Variants in GSDMC observed in about 807,000 individuals in gnomAD.
GSDMC encodes the protein gasdermin C.
Under a neutral mutation model 58.0 loss-of-function variants are expected in GSDMC, and 59 were observed. That is an observed-to-expected ratio of 1.02 (90% CI 0.82 to 1.26). The LOEUF (loss-of-function observed/expected upper bound fraction) is 1.26, where lower values mean the gene tolerates loss of function less well. Ranked by LOEUF, GSDMC falls within the 50% of genes most tolerant of loss-of-function variation. The pLI is 0.00. For missense variants in GSDMC, 659 were observed against 598.5 expected (o/e 1.10, Z -1.06); for synonymous variants, 241 against 220.2 (o/e 1.09, Z -0.83).
At chr8:129,780,053 AG>A (rs1301589834) in intron 1 of GSDMC, among the ~76,000 whole-genome samples, 1 of 152,228 alleles carries the variant, frequency 6.6e-6, no homozygotes, top group Non-Finnish European at 1.5e-5. Flanking sequence ...TGATCTTGAA[AG>A]CAGGCTATTT....
the GSDMC span, among the ~76,000 whole-genome samples, chr8:129,727,001 C>T: frequency 1.7e-5 from 2 of 114,866 alleles, no homozygotes. Flanking sequence ...AATACACATA[C>T]ACACACACAC....
chr8:129,772,135 C>T (rs2034076711), intron 3 of GSDMC, among the ~76,000 whole-genome samples: 1 of 151,952 alleles, frequency 6.6e-6, no homozygotes, highest in African/African-American at 2.4e-5. Flanking sequence ...GTGGCAGGCG[C>T]CTGTAGTCCC....
Position 129,752,238 on chromosome 8 carries a change from A to G in GSDMC, c.845-91T>C, listed in dbSNP as rs192784577. On this transcript the variant is annotated intron_variant, in intron 7 of 13. Transcript: ENST00000276708. ...TTCTTTCCCTCTTGGTCTCACCTCTAACTCCTCTATCCTCCCCTTATTTCT... is the reference window on the plus strand; with the variant it reads ...TTCTTTCCCTCTTGGTCTCACCTCTGACTCCTCTATCCTCCCCTTATTTCT... 3.1e-6 allele frequency: 3 copies of G among 954,606 alleles called. No homozygotes were observed. In the African/African-American group the frequency reaches 4.8e-5, roughly 15 times the overall value. 59.1% of individuals were successfully genotyped at this position (954,606 alleles called of 1,614,324 possible). A position where few individuals can be genotyped will look rare whatever the true frequency, so the allele number is the denominator to read the frequency against.
intron 3 of GSDMC, among the ~76,000 whole-genome samples, chr8:129,774,128 C>T (rs950493157): frequency 3.9e-5 from 6 of 152,032 alleles, no homozygotes; most frequent in African/African-American, 1.4e-4. Context: ...AGCTAGACAC[C>T]CTATACTTCC....
the GSDMC span, chr8:129,730,040 G>T: frequency 8.2e-7 from 1 of 1,220,116 alleles, no homozygotes; most frequent in South Asian, 1.4e-5. Flanking sequence ...GAAGGAAAAG[G>T]AGTATTCCTT....
chr8:129,741,957 C>A, the GSDMC span, among the ~76,000 whole-genome samples: 1 of 112,674 alleles, frequency 8.9e-6, no homozygotes, highest in African/African-American at 4.6e-5. Flanking sequence ...AATATTCAGC[C>A]TTAAAAAAGA....
At chr8:129,738,668 A>G in the GSDMC span, among the ~76,000 whole-genome samples, 11 of 151,680 alleles carry the variant, frequency 7.3e-5, no homozygotes, top group South Asian at 4.2e-4. Flanking sequence ...GGTGGGGAGC[A>G]GGGGGAGGGA....
intron 2 of GSDMC, 141 bp downstream of exon 2, chr8:129,777,227 G>A (rs903893658): frequency 5.7e-5 from 34 of 598,392 alleles, no homozygotes; most frequent in African/African-American, 3.9e-4. Flanking sequence ...ATTTGTCTTC[G>A]TTTCTTGCCC....
intron 6 of GSDMC, among the ~76,000 whole-genome samples, chr8:129,757,118 T>G (rs2033470887): frequency 6.6e-6 from 1 of 151,742 alleles, no homozygotes; most frequent in Middle Eastern, 3.2e-3. Flanking sequence ...AACAAAAAGT[T>G]GGCTTTTTGA....
At chr8:129,752,885 T>G in intron 6 of GSDMC, 65 bp from the exon 7 acceptor site, 1 of 1,608,834 alleles carries the variant, frequency 6.2e-7, no homozygotes, top group Non-Finnish European at 8.5e-7. Flanking sequence ...TGCCTTGTCA[T>G]AGCAGAGAGC....
At chr8:129,750,298 C>A in intron 11 of GSDMC, 133 bp downstream of exon 11, 1 of 1,093,722 alleles carries the variant, frequency 9.1e-7, no homozygotes, top group Non-Finnish European at 1.3e-6. Flanking sequence ...TGCCCGGCAC[C>A]AGAGTCCCCA....
chr8:129,729,791 G>T, the GSDMC span: 1 of 616,840 alleles, frequency 1.6e-6, no homozygotes, highest in South Asian at 2.1e-5. Context: ...CATGAAATTT[G>T]AAGGAGGTGT....
intron 4 of GSDMC, among the ~76,000 whole-genome samples, chr8:129,763,079 ACT>A (rs2033731379): frequency 6.6e-6 from 1 of 152,076 alleles, no homozygotes; most frequent in Non-Finnish European, 1.5e-5. Flanking sequence ...GTTAATATTC[ACT>A]GTTTATACTT....
chr8:129,769,329 T>C (rs984188348), intron 3 of GSDMC, among the ~76,000 whole-genome samples: 18 of 152,078 alleles, frequency 1.2e-4, no homozygotes, highest in Non-Finnish European at 1.5e-5. Context: ...CAATCGCAAA[T>C]TGCTTAGGAG....
At chr8:129,706,995 C>G in the GSDMC span, 1 of 152,218 alleles carries the variant, frequency 6.6e-6, no homozygotes, top group Non-Finnish European at 1.5e-5. Context: ...AAAGTGTTCT[C>G]TCTCCTCCAG....
intron 3 of GSDMC, among the ~76,000 whole-genome samples, chr8:129,769,678 A>C (rs2033987454): frequency 6.6e-6 from 1 of 151,060 alleles, no homozygotes; most frequent in African/African-American, 2.5e-5. Flanking sequence ...CAGAGCACTT[A>C]TGGCCCAATC....
At chr8:129,713,273 T>C in the GSDMC span, among the ~76,000 whole-genome samples, 39 of 152,262 alleles carry the variant, frequency 2.6e-4, no homozygotes, top group African/African-American at 7.9e-4. Context: ...ACCTACAACT[T>C]CACAGCTGTG....
chr8:129,750,092 C>T lies in GSDMC; in HGVS notation c.1111G>A (p.Asp371Asn), dbSNP rs146298406. 197 of 1,595,678 alleles carry T rather than the reference C, an allele frequency of 1.2e-4. No homozygotes were observed. The African/African-American group carries it at 2.4e-3, about 19-fold the overall frequency. ...MLELDSSGHL[D>N]GPGGAILKKL... ...TTTAGGATGGCACCACCAGGGCCAT[C>T]CAAATGACCTGAGCTGTCCAATTCC... The change falls in exon 12 of 14, where the codon GAT becomes AAT. Residue 371 changes from aspartate (D) to asparagine (N), a missense_variant. Coordinates refer to ENST00000276708, the MANE Select transcript of GSDMC (RefSeq NM_031415.3).
intron 8 of GSDMC, 23 bp downstream of exon 8, chr8:129,752,083 G>C (rs2033224321): frequency 6.2e-7 from 1 of 1,604,590 alleles, no homozygotes; most frequent in African/African-American, 1.3e-5. Context: ...TGTCCTGGAA[G>C]GGGAGGGCCA....
Sources: gnomAD v4.1 joint callset for allele counts (sites outside exome capture counted in the v4.1 genomes callset) on GRCh38, gnomAD v4.1.1 for gene constraint, MANE v1.5 for transcripts, NCBI Gene and HGNC (gene_info 2026-07-23, HGNC 2026-07-21) for gene names.